WIPF3: variants seen among roughly 807,000 people sequenced by gnomAD.
WIPF3 encodes WAS/WASL interacting protein family member 3.
Under a neutral mutation model 38.9 loss-of-function variants are expected in WIPF3, and 33 were observed. That is an observed-to-expected ratio of 0.85 (90% CI 0.64 to 1.14). The LOEUF is 1.14. Ranked by LOEUF, WIPF3 falls within the 50% of genes most tolerant of loss-of-function variation. WIPF3 has a pLI of 0.00. For synonymous variants in WIPF3, 324 were observed against 269.3 expected, an observed-to-expected ratio of 1.20 and a Z score of -1.99; for missense variants, 711 against 652.5, an observed-to-expected ratio of 1.09 and a Z score of -0.98.
intron 1 of WIPF3, among the ~76,000 whole-genome samples, chr7:29,819,287 C>G (rs1369004044): frequency 6.6e-6 from 1 of 151,808 alleles, no homozygotes; most frequent in Middle Eastern, 3.2e-3. Context: ...TTGTCTGTTT[C>G]AATTCAAGTT....
At chr7:29,821,389 GC>G (rs1784534923) in intron 1 of WIPF3, among the ~76,000 whole-genome samples, 1 of 152,100 alleles carries the variant, frequency 6.6e-6, no homozygotes, top group Non-Finnish European at 1.5e-5. Flanking sequence ...CCACCTTCTA[GC>G]CTCAAGCAAT....
chr7:29,910,191 C>T (rs970516038), intron 8 of WIPF3, among the ~76,000 whole-genome samples: 1 of 151,906 alleles, frequency 6.6e-6, no homozygotes, highest in Non-Finnish European at 1.5e-5. Flanking sequence ...ATCTCATGTA[C>T]CCCATAAATA....
chr7:29,811,120 G>A (rs1181113429), intron 1 of WIPF3, among the ~76,000 whole-genome samples: 1 of 151,930 alleles, frequency 6.6e-6, no homozygotes, highest in Admixed American at 6.6e-5. Flanking sequence ...CAAACTCCTG[G>A]ATTTAAGCGA....
intron 1 of WIPF3, among the ~76,000 whole-genome samples, chr7:29,818,588 A>AT (rs1784492178): frequency 6.7e-6 from 1 of 149,822 alleles, no homozygotes; most frequent in African/African-American, 2.4e-5. Context: ...AATTAAGATA[A>AT]TTTTTCCGTG....
At chr7:29,866,590 C>T (rs1004334596) in intron 2 of WIPF3, among the ~76,000 whole-genome samples, 1 of 152,254 alleles carries the variant, frequency 6.6e-6, no homozygotes, top group African/African-American at 2.4e-5. Context: ...TGGCTGCTGG[C>T]ATTTAATGCA....
Position 29,838,758 on chromosome 7 carries a change from G to T in WIPF3, c.90+3944G>T, listed in dbSNP as rs139875786. The stretch of plus-strand genomic sequence containing the variant: ...AAGTATGTGCCTGCATGACCCAAAA[G>T]ACATGTTAAGAACATTTGTAGCAGC... On this transcript the variant is annotated intron_variant, in intron 2 of 8. Coordinates refer to ENST00000242140, the MANE Select transcript of WIPF3 (RefSeq NM_001080529.3). 5.8e-3 allele frequency among the ~76,000 whole-genome samples: 887 copies of T among 152,266 alleles called. 9 individuals carry two copies. The highest frequency in any genetic ancestry group is 0.02 in the African/African-American group (814 of 41,556).
chr7:29,875,648 G>T (rs556205369), intron 2 of WIPF3, among the ~76,000 whole-genome samples, 182 bp from the exon 3 acceptor site: 1 of 152,088 alleles, frequency 6.6e-6, no homozygotes, highest in African/African-American at 2.4e-5. Flanking sequence ...GTCCCTTCTA[G>T]GTCACCAGGA....
chr7:29,909,855 C>T (rs182408197), intron 8 of WIPF3, among the ~76,000 whole-genome samples: 1 of 151,142 alleles, frequency 6.6e-6, no homozygotes, highest in East Asian at 1.9e-4. Flanking sequence ...TGGATTGCAC[C>T]ACTGCACTAC....
chr7:29,902,052 G>A (rs565869540), intron 7 of WIPF3, among the ~76,000 whole-genome samples: 4 of 151,928 alleles, frequency 2.6e-5, no homozygotes, highest in East Asian at 3.9e-4. Context: ...CGTAGAGACC[G>A]GGGATGCTAT....
intron 8 of WIPF3, among the ~76,000 whole-genome samples, chr7:29,907,328 T>G (rs1268972017): frequency 1.3e-5 from 2 of 152,200 alleles, no homozygotes; most frequent in African/African-American, 4.8e-5. Flanking sequence ...ACACAGTATA[T>G]AAAGATGTAA....
In WIPF3 at chr7:29,884,254, C is replaced by T. The variant is rs1321338794; in HGVS notation, c.760C>T (p.Pro254Ser). ...CAAGGCAGTGAAGCCTCAGCTGGCT[C>T]CCTTGCACCTCCCGCCCATCCCGCC... Reference protein sequence around the residue: ...SDKAVKPQLAPLHLPPIPPPL... With the variant: ...SDKAVKPQLASLHLPPIPPPL... The change falls in exon 5 of 9, where the codon CCC becomes TCC. Residue 254 changes from proline to serine, a missense_variant. Transcript: ENST00000242140. The T allele has an allele frequency of 6.0e-5, 92 of 1,537,810 alleles. No homozygotes were observed. The highest frequency in any genetic ancestry group is 7.9e-5 in the Non-Finnish European group (90 of 1,141,918).
Position 29,916,440 on chromosome 7 carries a change from A to G in WIPF3, c.*1924A>G, listed in dbSNP as rs1163301749. On this transcript the variant is annotated 3_prime_UTR_variant, in exon 9 of 9. Transcript: ENST00000242140. ...ACACTATTTAAGGACAGAGCGGGCC[A>G]GGAGCAGTGGCTCATGCAGGTAATC... is the stretch of plus-strand genomic sequence containing the variant. 4 of 152,240 alleles carry G rather than the reference A, an allele frequency of 2.6e-5. No individual in the cohort carries two copies. Among genetic ancestry groups the G allele is most frequent in the Non-Finnish European group, 4.4e-5 (3 of 68,062 alleles). 9.4% of individuals were successfully genotyped at this position (152,240 alleles called of 1,614,324 possible).
At chr7:29,877,994 T>A (rs535215218) in intron 3 of WIPF3, among the ~76,000 whole-genome samples, 1 of 152,190 alleles carries the variant, frequency 6.6e-6, no homozygotes, top group African/African-American at 2.4e-5. Flanking sequence ...TTAAAGATAG[T>A]CCTAAAAATA....
At chr7:29,899,747 G>A (rs993102204) in intron 7 of WIPF3, among the ~76,000 whole-genome samples, 6 of 151,626 alleles carry the variant, frequency 4.0e-5, no homozygotes, top group South Asian at 2.1e-4. Context: ...ACCTTTTTAC[G>A]TAAAAACACC....
Position 29,824,411 on chromosome 7 carries a change from G to A in WIPF3, c.-57-10257G>A, listed in dbSNP as rs138924311. The stretch of plus-strand genomic sequence containing the variant: ...GTGCAAAGTGCTATAGGGGCAGTTA[G>A]CCCTCCCAAAGGGAGAAGAAAGCCA... On this transcript the variant is annotated intron_variant, in intron 1 of 8. Transcript: ENST00000242140. Among the ~76,000 whole-genome samples the A allele has an allele frequency of 2.1e-3, 326 of 152,328 alleles. 4 individuals carry two copies. The highest frequency in any genetic ancestry group is 7.5e-3 in the African/African-American group (311 of 41,566).
At position 29,823,676 on chromosome 7, in the gene WIPF3, G is replaced by C. The variant is rs963273202; in HGVS notation, c.-57-10992G>C. ...TGTCGAACTGTAATCCCCAATGTTGGAGGTGGGGCCTGGTGGCAGGTGATT... is the reference window on the plus strand; with the variant it reads ...TGTCGAACTGTAATCCCCAATGTTGCAGGTGGGGCCTGGTGGCAGGTGATT... On this transcript the variant is annotated intron_variant, in intron 1 of 8. Coordinates refer to ENST00000242140, the MANE Select transcript of WIPF3 (RefSeq NM_001080529.3). This position sits in a 1 kb window ranked among gnomAD's most constrained non-coding sequence, Gnocchi z 4.0. Among the ~76,000 whole-genome samples the C allele has an allele frequency of 6.6e-6, 1 of 152,192 alleles. No individual in the cohort carries two copies. The highest frequency in any genetic ancestry group is 6.5e-5 in the Admixed American group (1 of 15,278).
At chr7:29,914,414 T>C in intron 8 of WIPF3, 79 bp from the exon 9 acceptor site, 1 of 1,204,968 alleles carries the variant, frequency 8.3e-7, no homozygotes, top group South Asian at 2.0e-5. Flanking sequence ...CCAGCCTGTT[T>C]GGGGGGGTGG....
At chr7:29,873,107 C>A (rs142155433) in intron 2 of WIPF3, among the ~76,000 whole-genome samples, 1 of 152,170 alleles carries the variant, frequency 6.6e-6, no homozygotes, top group Non-Finnish European at 1.5e-5. Flanking sequence ...ACAGCCCTCA[C>A]CTGAAATGCC....
At chr7:29,879,445 C>T (rs1785671747) in intron 4 of WIPF3, among the ~76,000 whole-genome samples, 1 of 152,184 alleles carries the variant, frequency 6.6e-6, no homozygotes, top group African/African-American at 2.4e-5. Context: ...TGTATATAAA[C>T]AGAAGGTCCA....
Sources: gnomAD v4.1 joint callset for allele counts (sites outside exome capture counted in the v4.1 genomes callset) on GRCh38, gnomAD v4.1.1 for gene constraint, Gnocchi (gnomAD v3.1) non-coding constraint, MANE v1.5 for transcripts, NCBI Gene and HGNC (gene_info 2026-07-23, HGNC 2026-07-21) for gene names.